The following DIPK1A variants were observed in gnomAD, a reference collection of about 807,000 sequenced individuals.
DIPK1A encodes family with sequence similarity 69 member A.
DIPK1A carries 27 observed loss-of-function variants against 40.8 expected under a neutral mutation model. The observed-to-expected ratio is 0.66, with a 90% confidence interval of 0.49 to 0.91. DIPK1A has a LOEUF of 0.91. Among genes scored for constraint, DIPK1A ranks in the 40% least tolerant of loss-of-function variants. The pLI, the probability that DIPK1A is intolerant of heterozygous loss-of-function variation, is 0.00. For synonymous variants in DIPK1A, 166 were observed against 171.3 expected (o/e 0.97, Z 0.24); for missense variants, 412 against 505.7 (o/e 0.81, Z 1.78).
At chr1:92,854,293 C>A (rs1028629610) in intron 2 of DIPK1A, among the ~76,000 whole-genome samples, 8 of 152,198 alleles carry the variant, frequency 5.3e-5, no homozygotes, top group African/African-American at 7.2e-5. Context: ...GGAGGTGGAA[C>A]CTAATATCCA....
At chr1:92,847,394 C>A in intron 3 of DIPK1A, 35 bp from the exon 4 acceptor site, 1 of 1,429,626 alleles carries the variant, frequency 7.0e-7, no homozygotes, top group Admixed American at 2.2e-5. Context: ...ATGTATTATA[C>A]TGAGTAGAAA....
chr1:92,833,320 G>T, intron 4 of DIPK1A: 1 of 1,260,518 alleles, frequency 7.9e-7, no homozygotes, highest in Non-Finnish European at 1.2e-6. Flanking sequence ...TTTGTTACAT[G>T]GTTAATTTAT....
At chr1:92,862,982 A>G (rs1571068151) in intron 2 of DIPK1A, among the ~76,000 whole-genome samples, 1 of 152,224 alleles carries the variant, frequency 6.6e-6, no homozygotes, top group South Asian at 2.1e-4. Context: ...GGATACACTT[A>G]TGCTGAAAAA....
At chr1:92,925,798 C>T (rs1023323169) in intron 1 of DIPK1A, among the ~76,000 whole-genome samples, 7 of 151,962 alleles carry the variant, frequency 4.6e-5, no homozygotes, top group African/African-American at 1.7e-4. Context: ...CAGGCCAAGA[C>T]TATTCAGTTT....
At chr1:92,885,531 T>G (rs1464590286) in intron 1 of DIPK1A, among the ~76,000 whole-genome samples, 1 of 152,132 alleles carries the variant, frequency 6.6e-6, no homozygotes, top group Admixed American at 6.6e-5. Flanking sequence ...AATTTTTGTA[T>G]TTTTAGTAGA....
intron 1 of DIPK1A, among the ~76,000 whole-genome samples, chr1:92,927,791 G>A (rs1052042180): frequency 3.9e-5 from 6 of 152,066 alleles, no homozygotes; most frequent in African/African-American, 1.4e-4. Context: ...TCAGTACTTC[G>A]TTTCTTTTTA....
chr1:92,946,253 T>A lies in DIPK1A; in HGVS notation c.54+15123A>T, dbSNP rs186944520. On this transcript the variant is annotated intron_variant, in intron 1 of 4. Transcript: ENST00000370310. ...CCTTTATGGAAGAATTAACAAGTCA[T>A]AATAATATAATATTATTTATAGTTC... Among the ~76,000 whole-genome samples, 264 of 152,278 alleles carry A rather than the reference T, an allele frequency of 1.7e-3. 1 individual carries two copies. The highest frequency in any genetic ancestry group is 6.2e-3 in the African/African-American group (257 of 41,576).
At chr1:92,856,402 T>G (rs1687989652) in intron 2 of DIPK1A, among the ~76,000 whole-genome samples, 1 of 152,070 alleles carries the variant, frequency 6.6e-6, no homozygotes, top group African/African-American at 2.4e-5. Flanking sequence ...AAGATTAGTT[T>G]ATTTACTATT....
intron 1 of DIPK1A, among the ~76,000 whole-genome samples, chr1:92,912,503 C>T (rs1649871027): frequency 6.6e-6 from 1 of 152,002 alleles, no homozygotes. Flanking sequence ...ATGCAGAGAA[C>T]TAAAGTGTTA....
At chr1:92,880,692 C>A (rs1200240184) in intron 1 of DIPK1A, among the ~76,000 whole-genome samples, 8 of 150,714 alleles carry the variant, frequency 5.3e-5, no homozygotes, top group Admixed American at 5.3e-4. Flanking sequence ...TATGCTGAAA[C>A]CCTGTCTCTA....
At chr1:92,917,143 T>C (rs991906050) in intron 1 of DIPK1A, among the ~76,000 whole-genome samples, 31 of 152,354 alleles carry the variant, frequency 2.0e-4, no homozygotes, top group Non-Finnish European at 3.7e-4. Context: ...TTCTAACTAG[T>C]TGATGTATCA....
At chr1:92,954,307 A>AT (rs1026476508) in intron 1 of DIPK1A, among the ~76,000 whole-genome samples, 37 of 147,796 alleles carry the variant, frequency 2.5e-4, no homozygotes, top group South Asian at 4.2e-4. Flanking sequence ...CACAAAAAAA[A>AT]AAATAAATAA....
At position 92,857,400 on chromosome 1, in the gene DIPK1A, C is replaced by T. The variant is rs1688020876; in HGVS notation, c.190-6445G>A. Among the ~76,000 whole-genome samples the T allele has an allele frequency of 1.3e-5, 2 of 151,038 alleles. 1 individual carries two copies. The highest frequency in any genetic ancestry group is 4.2e-4 in the South Asian group (2 of 4,800). The stretch of plus-strand genomic sequence containing the variant: ...GCAGTGGCGTGGTCTTGGCTTACTG[C>T]AAACTCCACCTCCCCAGTTCAAGTG... On this transcript the variant is annotated intron_variant, in intron 2 of 4. Coordinates refer to ENST00000370310, the MANE Select transcript of DIPK1A (RefSeq NM_001006605.5).
At chr1:92,884,295 A>G (rs1407108957) in intron 1 of DIPK1A, among the ~76,000 whole-genome samples, 1 of 152,134 alleles carries the variant, frequency 6.6e-6, no homozygotes, top group Non-Finnish European at 1.5e-5. Context: ...AAAAATAAAA[A>G]ATAAAAAATT....
intron 1 of DIPK1A, among the ~76,000 whole-genome samples, chr1:92,928,060 T>G (rs969215480): frequency 2.0e-5 from 3 of 152,238 alleles, no homozygotes; most frequent in African/African-American, 7.2e-5. Context: ...GCTGCAATAC[T>G]GTACACTTCC....
intron 2 of DIPK1A, among the ~76,000 whole-genome samples, chr1:92,870,494 G>A (rs1368313502): frequency 2.6e-5 from 4 of 152,184 alleles, no homozygotes; most frequent in Non-Finnish European, 5.9e-5. Context: ...CCAAAATGCT[G>A]GGATTACAGG....
rs372392388 is a variant in DIPK1A at position 92,833,297 on chromosome 1, G to A, written c.475-263C>T. On this transcript the variant is annotated intron_variant, in intron 4 of 4. Coordinates refer to the DIPK1A transcript ENST00000615519. Reference sequence around the variant, plus strand: ...TGACAGTTGTCTGTTTACTCTTGAAGTTCAAGTGTTACTTTGTTACATGGT... The same window carrying A: ...TGACAGTTGTCTGTTTACTCTTGAAATTCAAGTGTTACTTTGTTACATGGT... 282 of 1,041,340 alleles carry A rather than the reference G, an allele frequency of 2.7e-4. 3 individuals carry two copies. In the South Asian group the frequency reaches 3.7e-3, roughly 14 times the overall value. 64.5% of individuals were successfully genotyped at this position (1,041,340 alleles called of 1,614,324 possible).
chr1:92,916,598 G>A (rs1253171653), intron 1 of DIPK1A, among the ~76,000 whole-genome samples: 2 of 151,946 alleles, frequency 1.3e-5, no homozygotes, highest in African/African-American at 2.4e-5. Flanking sequence ...CACTGCACCC[G>A]GCCAATCCAT....
intron 1 of DIPK1A, among the ~76,000 whole-genome samples, chr1:92,912,945 A>T (rs1224499437): frequency 1.3e-5 from 2 of 152,076 alleles, no homozygotes; most frequent in Non-Finnish European, 2.9e-5. Context: ...TATGAAATAA[A>T]AAAAAAAAAT....
Sources: allele counts gnomAD v4.1 joint callset (sites outside exome capture counted in the v4.1 genomes callset), GRCh38; gene constraint gnomAD v4.1.1; transcripts MANE v1.5; gene names NCBI Gene and HGNC (gene_info 2026-07-23, HGNC 2026-07-21).